UBE2G2: variants seen among roughly 807,000 people sequenced by gnomAD.
The protein encoded by UBE2G2 is ubiquitin-conjugating enzyme E2 G2.
Under a neutral mutation model 23.0 loss-of-function variants are expected in UBE2G2, and 10 were observed. That is an observed-to-expected ratio of 0.43 (90% CI 0.27 to 0.74). UBE2G2 has a LOEUF of 0.74. Ranked by LOEUF, UBE2G2 falls within the 30% of genes least tolerant of loss-of-function variation. UBE2G2 has a pLI of 0.19. For missense variants in UBE2G2, 150 were observed against 218.3 expected, an observed-to-expected ratio of 0.69 and a Z score of 1.97; for synonymous variants, 86 against 81.3, an observed-to-expected ratio of 1.06 and a Z score of -0.31.
intron 1 of UBE2G2, among the ~76,000 whole-genome samples, chr21:44,795,591 C>T (rs1056359077): frequency 4.6e-5 from 7 of 151,516 alleles, no homozygotes; most frequent in Non-Finnish European, 7.4e-5. Context: ...ATGACTACAC[C>T]ACTGCACTCT....
intron 1 of UBE2G2, among the ~76,000 whole-genome samples, chr21:44,790,484 T>C (rs1040974104): frequency 3.9e-5 from 6 of 152,246 alleles, no homozygotes; most frequent in Non-Finnish European, 8.8e-5. Flanking sequence ...TGAATTGTAA[T>C]CTCCAGGTGT....
Position 44,771,467 on chromosome 21 carries a change from A to G in UBE2G2, c.408T>C (p.Ala136=). The part of the protein sequence containing the change: ...MLAEPNDESG[A]NVDASKMWRD... Reference sequence around the variant, plus strand: ...GCCACATTTTGGACGCATCCACGTTAGCTCCACTTTCGTCATTGGGCTCTG... The same window carrying G: ...GCCACATTTTGGACGCATCCACGTTGGCTCCACTTTCGTCATTGGGCTCTG... Residue 136 remains alanine, a synonymous_variant, in exon 6 of 6, where the codon GCT becomes GCC. Transcript: ENST00000345496. This position sits in a 1 kb window ranked among gnomAD's most constrained non-coding sequence, Gnocchi z 4.6. 2 of 1,612,408 alleles carry G rather than the reference A, an allele frequency of 1.2e-6. No individual in the cohort carries two copies. Among genetic ancestry groups the G allele is most frequent in the Non-Finnish European group, 1.7e-6 (2 of 1,180,034 alleles).
intron 1 of UBE2G2, among the ~76,000 whole-genome samples, chr21:44,793,817 G>C (rs2083064202): frequency 6.6e-6 from 1 of 152,126 alleles, no homozygotes; most frequent in African/African-American, 2.4e-5. Context: ...CATTGGTGAA[G>C]ATAAAAAATG....
At chr21:44,793,203 C>A (rs868984415) in intron 1 of UBE2G2, among the ~76,000 whole-genome samples, 1 of 152,168 alleles carries the variant, frequency 6.6e-6, no homozygotes, top group Non-Finnish European at 1.5e-5. Flanking sequence ...AGGTGGGGTG[C>A]GGGAGAAACA....
In UBE2G2 at chr21:44,798,264, G is replaced by A. The variant is rs55743537; in HGVS notation, c.43+3442C>T. ...TTCAGCAGGTCATAATCTTTTTGCC[G>A]GTGCAGTCTTGCCCGGATATTGATG... is the stretch of plus-strand genomic sequence containing the variant. On this transcript the variant is annotated intron_variant, in intron 1 of 5. Transcript: ENST00000345496. Among the ~76,000 whole-genome samples the A allele has an allele frequency of 7.3e-3, 1,112 of 152,274 alleles. 14 individuals carry two copies. Among genetic ancestry groups the A allele is most frequent in the African/African-American group, 0.026 (1,061 of 41,524 alleles).
chr21:44,797,954 T>A (rs2083106903), intron 1 of UBE2G2, among the ~76,000 whole-genome samples: 1 of 151,724 alleles, frequency 6.6e-6, no homozygotes, highest in East Asian at 1.9e-4. Flanking sequence ...CAAAATGGAG[T>A]CACTTTCGCC....
chr21:44,789,558 G>C (rs946981768), intron 1 of UBE2G2, among the ~76,000 whole-genome samples: 1 of 152,048 alleles, frequency 6.6e-6, no homozygotes, highest in African/African-American at 2.4e-5. Context: ...ACCCTGACTC[G>C]AGGGAACACA....
intron 4 of UBE2G2, chr21:44,775,065 G>C: frequency 5.1e-6 from 1 of 194,758 alleles, no homozygotes; most frequent in South Asian, 7.6e-5. Flanking sequence ...GATCATTCTG[G>C]TCATGCCACT....
At chr21:44,799,757 C>T (rs1401230541) in intron 1 of UBE2G2, among the ~76,000 whole-genome samples, 1 of 152,248 alleles carries the variant, frequency 6.6e-6, no homozygotes, top group East Asian at 1.9e-4. Context: ...AAGAACTTTT[C>T]CTTTGCATTC....
intron 3 of UBE2G2, among the ~76,000 whole-genome samples, chr21:44,787,091 T>C (rs2083001918): frequency 2.4e-5 from 2 of 82,416 alleles, no homozygotes; most frequent in South Asian, 7.9e-4. Flanking sequence ...AAACTCCATC[T>C]CAAAAAAAAA....
chr21:44,801,679 G>A (rs1555964845), intron 1 of UBE2G2, 27 bp downstream of exon 1: 1 of 1,508,202 alleles, frequency 6.6e-7, no homozygotes, highest in Non-Finnish European at 8.8e-7. Flanking sequence ...GCGGGACGCT[G>A]CTGACGGCCC....
chr21:44,792,869 G>A (rs1259159121), intron 1 of UBE2G2, among the ~76,000 whole-genome samples: 1 of 152,226 alleles, frequency 6.6e-6, no homozygotes, highest in African/African-American at 2.4e-5. Flanking sequence ...TGGCAAGGAG[G>A]GGCCAGCAAG....
intron 1 of UBE2G2, among the ~76,000 whole-genome samples, chr21:44,794,536 TG>T (rs1442007211): frequency 1.4e-4 from 19 of 135,338 alleles, no homozygotes; most frequent in Admixed American, 3.2e-4. Context: ...CTTCTTTTTT[TG>T]TTTTTTTTTT....
At chr21:44,787,213 T>C (rs1359156039) in intron 3 of UBE2G2, among the ~76,000 whole-genome samples, 1 of 152,052 alleles carries the variant, frequency 6.6e-6, no homozygotes, top group Non-Finnish European at 1.5e-5. Flanking sequence ...TGGCCAAAAA[T>C]TGCACATCTA....
intron 3 of UBE2G2, among the ~76,000 whole-genome samples, chr21:44,780,954 G>T (rs1054572091): frequency 6.6e-6 from 1 of 152,216 alleles, no homozygotes; most frequent in African/African-American, 2.4e-5. Context: ...AGGGCAAGTG[G>T]GTGCCCTGAG....
At chr21:44,777,232 A>T in intron 4 of UBE2G2, 67 bp downstream of exon 4, 2 of 1,309,038 alleles carry the variant, frequency 1.5e-6, no homozygotes, top group Non-Finnish European at 2.2e-6. Flanking sequence ...ACCACATTTC[A>T]GGTGGCTGAT....
intron 3 of UBE2G2, among the ~76,000 whole-genome samples, chr21:44,784,368 T>C (rs558053198): frequency 1.3e-5 from 2 of 152,314 alleles, no homozygotes; most frequent in Admixed American, 6.5e-5. Flanking sequence ...CATTACTCTA[T>C]ATAGATGCTC....
rs148712689 is a variant in UBE2G2 at position 44,801,383 on chromosome 21, C to T, written c.43+323G>A. On this transcript the variant is annotated intron_variant, in intron 1 of 5. Coordinates refer to ENST00000345496, the MANE Select transcript of UBE2G2 (RefSeq NM_003343.6). ...TCAGGCCTTCTTCCTCAAGCTCTCA[C>T]TGCACGTTCTCAAGGCTGCCAAGAA... The T allele has an allele frequency of 2.2e-3, 2,590 of 1,166,350 alleles. 4 individuals carry two copies. Among genetic ancestry groups the T allele is most frequent in the Non-Finnish European group, 2.6e-3 (2,475 of 946,110 alleles). The allele number at this position is 1,166,350 out of a possible 1,614,324, so 72.3% of individuals were successfully genotyped here.
chr21:44,794,990 G>A (rs574708102), intron 1 of UBE2G2, among the ~76,000 whole-genome samples: 8 of 152,192 alleles, frequency 5.3e-5, no homozygotes, highest in African/African-American at 1.7e-4. Flanking sequence ...AGTAAGGGCC[G>A]GGGGCTGTGG....
Sources: gnomAD v4.1 joint callset for allele counts (sites outside exome capture counted in the v4.1 genomes callset) on GRCh38, gnomAD v4.1.1 for gene constraint, Gnocchi (gnomAD v3.1) non-coding constraint, MANE v1.5 for transcripts, NCBI Gene and HGNC (gene_info 2026-07-23, HGNC 2026-07-21) for gene names.